The following ANO5 variants were observed in gnomAD, a reference collection of about 807,000 sequenced individuals.
ANO5 encodes anoctamin 5, also known as anoctamin-5.
A neutral mutation model predicts 121.0 loss-of-function variants in ANO5; 109 were observed. The ratio of observed to expected loss-of-function variants is 0.90; its 90% CI spans 0.77 to 1.06. The LOEUF (loss-of-function observed/expected upper bound fraction) is 1.06. Among genes scored for constraint, ANO5 ranks in the 50% least tolerant of loss-of-function variants. ANO5 has a pLI of 0.00. For synonymous variants in ANO5, 406 were observed against 359.9 expected (o/e 1.13, Z -1.45); for missense variants, 1,064 against 1,078.5 (o/e 0.99, Z 0.19).
intron 7 of ANO5, among the ~76,000 whole-genome samples, chr11:22,230,518 A>C (rs1340580988): frequency 6.6e-6 from 1 of 152,032 alleles, no homozygotes; most frequent in Non-Finnish European, 1.5e-5. Context: ...TGTTTTTAAA[A>C]AATTCTTTTA....
intron 17 of ANO5, among the ~76,000 whole-genome samples, chr11:22,269,053 G>A (rs1339895875): frequency 6.7e-6 from 1 of 150,192 alleles, no homozygotes; most frequent in Non-Finnish European, 1.5e-5. Flanking sequence ...GAGAGGGAGA[G>A]AGAGAGAAAA....
chr11:22,227,726 T>C, intron 7 of ANO5, 140 bp downstream of exon 7: 1 of 1,075,412 alleles, frequency 9.3e-7, no homozygotes, highest in Non-Finnish European at 1.4e-6. Flanking sequence ...TATTGGGGAG[T>C]TTGAAAGTCT....
intron 17 of ANO5, among the ~76,000 whole-genome samples, chr11:22,267,692 T>C (rs1272866050): frequency 6.6e-6 from 1 of 152,038 alleles, no homozygotes; most frequent in Admixed American, 6.6e-5. Context: ...GGGGGTTTGT[T>C]GTATAGATTA....
intron 15 of ANO5, among the ~76,000 whole-genome samples, chr11:22,260,039 A>G (rs1280194349): frequency 1.3e-5 from 2 of 152,158 alleles, no homozygotes; most frequent in African/African-American, 4.8e-5. Context: ...ATCCTAAGAA[A>G]AATAATCACT....
chr11:22,211,528 A>G (rs1852276777), intron 3 of ANO5, among the ~76,000 whole-genome samples: 1 of 151,952 alleles, frequency 6.6e-6, no homozygotes, highest in African/African-American at 2.4e-5. Context: ...ACTGAGTATA[A>G]CACTTTGCTT....
In ANO5 at chr11:22,257,727, T is replaced by C; in HGVS notation, c.1380T>C (p.Phe460=). ...MPLYTRIPWY[F]LSGATVTLWM... is the part of the protein sequence containing the mutation. ...TATACACGCGTATTCCATGGTACTT[T>C]CTTTCAGGAGCCACAGTGACATTAT... Residue 460 remains phenylalanine (F), a synonymous_variant, in exon 14 of 22, where the codon TTT becomes TTC. Coordinates refer to ENST00000324559, the MANE Select transcript of ANO5 (RefSeq NM_213599.3). The C allele has an allele frequency of 6.2e-7, 1 of 1,612,734 alleles. No individual in the cohort carries two copies. Among genetic ancestry groups the C allele is most frequent in the Non-Finnish European group, 8.5e-7 (1 of 1,178,872 alleles).
At chr11:22,212,063 T>C (rs181799441) in intron 3 of ANO5, among the ~76,000 whole-genome samples, 5 of 151,958 alleles carry the variant, frequency 3.3e-5, no homozygotes, top group African/African-American at 4.8e-5. Context: ...TCAAATAACA[T>C]TTAGATGAGC....
At position 22,222,372 on chromosome 11, in the gene ANO5, C is replaced by T. The variant is rs116414383; in HGVS notation, c.294+1162C>T. Among the ~76,000 whole-genome samples the T allele has an allele frequency of 3.6e-3, 551 of 151,974 alleles. 2 individuals are homozygous for T. Among genetic ancestry groups the T allele is most frequent in the African/African-American group, 0.013 (529 of 41,472 alleles). On this transcript the variant is annotated intron_variant, in intron 5 of 21. Coordinates refer to ENST00000324559, the MANE Select transcript of ANO5 (RefSeq NM_213599.3). ...TAGATGATTATTTTGACACTCTGGC[C>T]TCTCTGTTCCTTGAACTCCCTTTTC...
intron 12 of ANO5, among the ~76,000 whole-genome samples, chr11:22,254,901 T>C (rs1853943261): frequency 6.6e-6 from 1 of 152,024 alleles, no homozygotes; most frequent in African/African-American, 2.4e-5. Context: ...TTTGTGTGTA[T>C]ATATAGTATA....
chr11:22,263,058 C>T lies in ANO5; in HGVS notation c.1898+15C>T, dbSNP rs775242183. Reference sequence around the variant, plus strand: ...GCCATTTATCCGTATGTATGACTTACAAGCTTTTTATTTGATTTAAGTAAC... The same window carrying T: ...GCCATTTATCCGTATGTATGACTTATAAGCTTTTTATTTGATTTAAGTAAC... On this transcript the variant is annotated intron_variant, in intron 17 of 21. Transcript: ENST00000324559. 7.6e-6 allele frequency: 12 copies of T among 1,581,052 alleles called. No individual in the cohort carries two copies. Among genetic ancestry groups the T allele is most frequent in the Non-Finnish European group, 9.6e-6 (11 of 1,150,576 alleles).
At chr11:22,220,130 G>C (rs189318167) in intron 4 of ANO5, among the ~76,000 whole-genome samples, 49 of 151,670 alleles carry the variant, frequency 3.2e-4, no homozygotes, top group African/African-American at 1.2e-3. Context: ...AATCCCATAG[G>C]GTACAATAAA....
At chr11:22,196,862 C>T (rs564248603) in intron 1 of ANO5, among the ~76,000 whole-genome samples, 16 of 151,914 alleles carry the variant, frequency 1.1e-4, no homozygotes, top group Admixed American at 2.6e-4. Context: ...AGTGAGACTC[C>T]GTCTCAAATA....
At chr11:22,201,275 TAA>T (rs895470522) in intron 1 of ANO5, among the ~76,000 whole-genome samples, 2 of 152,220 alleles carry the variant, frequency 1.3e-5, no homozygotes, top group African/African-American at 4.8e-5. Context: ...ATCAGTGTGC[TAA>T]AAGAACAAAA....
intron 4 of ANO5, among the ~76,000 whole-genome samples, chr11:22,220,380 T>C (rs893567554): frequency 6.6e-6 from 1 of 152,024 alleles, no homozygotes; most frequent in South Asian, 2.1e-4. Flanking sequence ...AGCTCTCTCA[T>C]GTTTTTGCTG....
At position 22,226,035 on chromosome 11, in the gene ANO5, G is replaced by T; in HGVS notation, c.346G>T (p.Glu116Ter). The T allele has an allele frequency of 6.2e-7, 1 of 1,607,920 alleles. No individual in the cohort carries two copies. The highest frequency in any genetic ancestry group is 1.1e-5 in the South Asian group (1 of 90,924). ...TCTCAGAAAAACAGGTCTTGAGTTG[G>T]AAATAGAAGACAAAAGGGTAAATGT... ...TNLRKTGLEL[E>*]IEDKRDSEDG... The change falls in exon 6 of 22, where the codon GAA becomes TAA. Residue 116 changes from glutamate to a stop codon, truncating the protein, a stop_gained. Transcript: ENST00000324559. LOFTEE classifies it high-confidence loss of function.
chr11:22,246,722 C>T (rs769157985), intron 9 of ANO5, among the ~76,000 whole-genome samples: 7 of 151,160 alleles, frequency 4.6e-5, no homozygotes, highest in African/African-American at 9.7e-5. Flanking sequence ...AGCGTGGTGG[C>T]GCACACAACT....
chr11:22,282,237 T>A lies in ANO5; in HGVS notation c.*2472T>A, dbSNP rs530332861. On this transcript the variant is annotated 3_prime_UTR_variant, in exon 22 of 22. Coordinates refer to ENST00000324559, the MANE Select transcript of ANO5 (RefSeq NM_213599.3). ...ATTTGAGATTTTATGTGAAATAAAATTTTAAGTGCCAAAGCCAAAAAAATA... is the reference window on the plus strand; with the variant it reads ...ATTTGAGATTTTATGTGAAATAAAAATTTAAGTGCCAAAGCCAAAAAAATA... The A allele has an allele frequency of 2.0e-5, 3 of 152,146 alleles. No individual in the cohort carries two copies. Among genetic ancestry groups the A allele is most frequent in the Non-Finnish European group, 2.9e-5 (2 of 67,998 alleles). 9.4% of individuals were successfully genotyped at this position (152,146 alleles called of 1,614,324 possible).
chr11:22,227,258 C>G lies in ANO5; in HGVS notation c.364-44C>G, dbSNP rs564708909. On this transcript the variant is annotated intron_variant, in intron 6 of 21. Coordinates refer to ENST00000324559, the MANE Select transcript of ANO5 (RefSeq NM_213599.3). ...CTTATTTAATCAGCTCAATAACAAA[C>G]TGATCAGTAAGCTTTCTGCTGTTTT... 7.9e-5 allele frequency: 127 copies of G among 1,605,958 alleles called. 1 individual carries two copies. The South Asian group carries it at 1.3e-3, about 17-fold the overall frequency.
chr11:22,250,667 G>C, intron 10 of ANO5, 74 bp from the exon 11 acceptor site: 1 of 1,417,216 alleles, frequency 7.1e-7, no homozygotes, highest in Non-Finnish European at 1.0e-6. Flanking sequence ...ATAAGTAGTT[G>C]TTCTAATAAG....
Sources: allele counts gnomAD v4.1 joint callset (sites outside exome capture counted in the v4.1 genomes callset), GRCh38; gene constraint gnomAD v4.1.1; transcripts MANE v1.5; gene names NCBI Gene and HGNC (gene_info 2026-07-23, HGNC 2026-07-21).